The following MAD1L1 variants were observed in gnomAD, a reference collection of about 807,000 sequenced individuals.
MAD1L1 encodes the protein mitotic arrest deficient 1 like 1.
A neutral mutation model predicts 96.9 loss-of-function variants in MAD1L1; 95 were observed. The observed-to-expected ratio is 0.98, with a 90% CI of 0.83 to 1.16. MAD1L1 has a LOEUF of 1.16. Among genes scored for constraint, MAD1L1 ranks in the 50% most tolerant of loss-of-function variants. The pLI is 0.00. For synonymous variants in MAD1L1, 473 were observed against 396.6 expected (o/e 1.19, Z -2.29); for missense variants, 1,007 against 954.4 (o/e 1.06, Z -0.73).
chr7:2,134,697 G>C (rs1788672224), intron 11 of MAD1L1, among the ~76,000 whole-genome samples: 1 of 152,224 alleles, frequency 6.6e-6, no homozygotes, highest in African/African-American at 2.4e-5. Context: ...GTGTCCAGCA[G>C]CTGCACACGT....
chr7:1,887,528 T>A (rs893213242), intron 18 of MAD1L1, among the ~76,000 whole-genome samples: 14 of 148,266 alleles, frequency 9.4e-5, no homozygotes, highest in Non-Finnish European at 2.1e-4. Flanking sequence ...TGCGTGTGTG[T>A]CTGCATGTGG....
At chr7:1,876,608 T>C (rs1483587988) in intron 18 of MAD1L1, among the ~76,000 whole-genome samples, 1 of 151,894 alleles carries the variant, frequency 6.6e-6, no homozygotes, top group Non-Finnish European at 1.5e-5. Context: ...TCGATGCTGT[T>C]TTCCATATTT....
intron 18 of MAD1L1, among the ~76,000 whole-genome samples, chr7:1,834,061 AAC>A (rs753555429): frequency 3.9e-5 from 6 of 152,372 alleles, no homozygotes; most frequent in Non-Finnish European, 8.8e-5. Context: ...TGTGGAAACT[AAC>A]ACACTTCTAA....
At chr7:2,076,734 G>A (rs767783203) in intron 11 of MAD1L1, among the ~76,000 whole-genome samples, 20 of 151,992 alleles carry the variant, frequency 1.3e-4, no homozygotes, top group Non-Finnish European at 2.8e-4. Context: ...ACAGGGTTAC[G>A]ACTTGGTGAG....
chr7:1,940,945 C>CCCTCCTCTTCCTCTCCCAGGCCTCAG (rs1583862900), intron 16 of MAD1L1, among the ~76,000 whole-genome samples: 18 of 107,814 alleles, frequency 1.7e-4, no homozygotes, highest in Non-Finnish European at 2.6e-4. Context: ...CCAGGCCTCA[C>CCCTCCTCTTCCTCTCCCAGGCCTCAG]CCTCCTCTTC....
At chr7:1,916,438 A>G (rs1031542139) in intron 17 of MAD1L1, among the ~76,000 whole-genome samples, 8 of 152,184 alleles carry the variant, frequency 5.3e-5, no homozygotes, top group Admixed American at 3.9e-4. Flanking sequence ...GTACAGAAAG[A>G]GGAGCAAAAC....
Position 2,043,555 on chromosome 7 carries a change from C to T in MAD1L1, c.1218+25639G>A, listed in dbSNP as rs188676080. Among the ~76,000 whole-genome samples the T allele has an allele frequency of 2.6e-5, 4 of 152,324 alleles. No individual in the cohort carries two copies. In the South Asian group the frequency reaches 6.2e-4, roughly 24 times the overall value. On this transcript the variant is annotated intron_variant, in intron 12 of 18. Coordinates refer to ENST00000265854, the MANE Select transcript of MAD1L1 (RefSeq NM_001013836.2). ...TGGGCGGGCTTGGGAACGTGATGCC[C>T]GGGTACCGTGCCTACAAGGACGCTG...
rs1562688759 is a variant in MAD1L1 at position 2,102,295 on chromosome 7, TC to T, written c.1074-32958del. Among the ~76,000 whole-genome samples the T allele has an allele frequency of 1.2e-4, 8 of 65,022 alleles. No homozygotes were observed. In the East Asian group the frequency reaches 8.1e-3, roughly 66 times the overall value. 42.7% of individuals were successfully genotyped at this position (65,022 alleles called of 152,430 possible). On this transcript the variant is annotated intron_variant, in intron 11 of 18. Transcript: ENST00000265854. ...ACTATCACCACCACCACCGCCACTGTCACCATCACCACCGTCACCATCACCG... is the reference window on the plus strand; with the variant it reads ...ACTATCACCACCACCACCGCCACTGTACCATCACCACCGTCACCATCACCG...
chr7:2,083,197 T>C (rs1247575598), intron 11 of MAD1L1, among the ~76,000 whole-genome samples: 1 of 152,228 alleles, frequency 6.6e-6, no homozygotes, highest in Non-Finnish European at 1.5e-5. Context: ...GAATTATTAG[T>C]TTCCCTTTCA....
intron 11 of MAD1L1, among the ~76,000 whole-genome samples, chr7:2,130,524 T>G (rs1050074613): frequency 6.6e-6 from 1 of 152,196 alleles, no homozygotes; most frequent in Non-Finnish European, 1.5e-5. Context: ...TCTCTCTCTC[T>G]CTGGGACCCC....
At chr7:1,973,955 C>G (rs1304254543) in intron 15 of MAD1L1, among the ~76,000 whole-genome samples, 4 of 152,226 alleles carry the variant, frequency 2.6e-5, no homozygotes, top group Non-Finnish European at 5.9e-5. Context: ...GAGACGCGCT[C>G]CCCGAGGGGC....
At chr7:2,101,984 TG>T (rs1330782905) in intron 11 of MAD1L1, among the ~76,000 whole-genome samples, 1 of 151,712 alleles carries the variant, frequency 6.6e-6, no homozygotes, top group Non-Finnish European at 1.5e-5. Context: ...TGGGTGGGAG[TG>T]GGCAGATCAC....
chr7:1,980,651 C>CGGGGG, intron 14 of MAD1L1, 110 bp from the exon 15 acceptor site: 1 of 841,538 alleles, frequency 1.2e-6, no homozygotes, highest in Non-Finnish European at 2.0e-6. Context: ...CCGCCCTGGG[C>CGGGGG]TGGGAGCTGC....
chr7:2,016,583 C>A (rs1363516575), intron 12 of MAD1L1, among the ~76,000 whole-genome samples: 1 of 152,182 alleles, frequency 6.6e-6, no homozygotes, highest in Non-Finnish European at 1.5e-5. Context: ...CTCGGTCTAT[C>A]CCCCACAGGC....
At chr7:1,827,147 G>T (rs1782436601) in intron 18 of MAD1L1, among the ~76,000 whole-genome samples, 2 of 152,234 alleles carry the variant, frequency 1.3e-5, no homozygotes, top group East Asian at 1.9e-4. Flanking sequence ...CGGCTCCAAG[G>T]GCCGTGGAAG....
chr7:1,926,546 T>G (rs1050228830), intron 17 of MAD1L1, among the ~76,000 whole-genome samples: 3 of 152,010 alleles, frequency 2.0e-5, no homozygotes, highest in African/African-American at 7.3e-5. Flanking sequence ...ATTCCAGGAA[T>G]GCAGAGTTGG....
At chr7:1,833,696 T>G (rs977121794) in intron 18 of MAD1L1, among the ~76,000 whole-genome samples, 4 of 152,184 alleles carry the variant, frequency 2.6e-5, no homozygotes, top group African/African-American at 9.7e-5. Flanking sequence ...ATCCCAGCAC[T>G]TTGGGAGGCC....
At chr7:1,820,185 C>A (rs1476992203) in intron 18 of MAD1L1, among the ~76,000 whole-genome samples, 2 of 152,022 alleles carry the variant, frequency 1.3e-5, no homozygotes, top group African/African-American at 2.4e-5. Flanking sequence ...TCTAAGTAAT[C>A]CACGAGTCAA....
chr7:2,081,460 T>C (rs1268084887), intron 11 of MAD1L1, among the ~76,000 whole-genome samples: 1 of 152,136 alleles, frequency 6.6e-6, no homozygotes, highest in Non-Finnish European at 1.5e-5. Context: ...AGGACACATC[T>C]CAGCTGGAGG....
Sources: allele counts gnomAD v4.1 joint callset (sites outside exome capture counted in the v4.1 genomes callset), GRCh38; gene constraint gnomAD v4.1.1; transcripts MANE v1.5; gene names NCBI Gene and HGNC (gene_info 2026-07-23, HGNC 2026-07-21).